Variants in DHRSX observed in about 807,000 individuals in gnomAD.
DHRSX encodes dehydrogenase/reductase X-linked.
Under a neutral mutation model 34.0 loss-of-function variants are expected in DHRSX, and 31 were observed. The ratio of observed to expected loss-of-function variants is 0.91; its 90% CI spans 0.69 to 1.23. DHRSX has a LOEUF of 1.23. Ranked by LOEUF, DHRSX falls within the 50% of genes most tolerant of loss-of-function variation. DHRSX has a pLI of 0.00. For synonymous variants in DHRSX, 201 were observed against 183.8 expected (o/e 1.09, Z -0.76); for missense variants, 414 against 428.1 (o/e 0.97, Z 0.29).
intron 3 of DHRSX, among the ~76,000 whole-genome samples, chrX:2,347,148 G>C (rs989978442): frequency 2.6e-5 from 4 of 152,160 alleles, no homozygotes; most frequent in Non-Finnish European, 5.9e-5. Flanking sequence ...ATTTAGAAAA[G>C]AAAGGTTTAA....
At chrX:2,361,793 T>A (rs763188876) in intron 3 of DHRSX, among the ~76,000 whole-genome samples, 1 of 152,328 alleles carries the variant, frequency 6.6e-6, no homozygotes, top group African/African-American at 2.4e-5. Flanking sequence ...TGATTGACTG[T>A]CTGATTAGAG....
chrX:2,267,626 C>T (rs1374828105), intron 4 of DHRSX, among the ~76,000 whole-genome samples: 1 of 151,838 alleles, frequency 6.6e-6, no homozygotes. Context: ...TCATCCAAGT[C>T]ACCAAACAGA....
chrX:2,313,193 G>A (rs181892008), intron 3 of DHRSX, among the ~76,000 whole-genome samples: 1 of 151,256 alleles, frequency 6.6e-6, no homozygotes, highest in Non-Finnish European at 1.5e-5. Context: ...TAGTCAAGAC[G>A]GGGTTTCACC....
chrX:2,351,128 C>A (rs1458439762), intron 3 of DHRSX, among the ~76,000 whole-genome samples: 2 of 152,138 alleles, frequency 1.3e-5, no homozygotes, highest in Non-Finnish European at 2.9e-5. Flanking sequence ...ATACTTAATG[C>A]ATGCAGGGCT....
chrX:2,425,483 C>T lies in DHRSX; in HGVS notation c.110-179G>A, dbSNP rs759322107. On this transcript the variant is annotated intron_variant, in intron 1 of 6. Coordinates refer to ENST00000334651, the MANE Select transcript of DHRSX (RefSeq NM_145177.3). ...GCATGAATGTATTAAAGTGGATTCG[C>T]CCCCAGTAATGACAGTGCAGTAAAA... 2.0e-4 allele frequency among the ~76,000 whole-genome samples: 31 copies of T among 152,230 alleles called. 1 individual carries two copies. In the South Asian group the frequency reaches 5.4e-3, roughly 27 times the overall value.
intron 3 of DHRSX, among the ~76,000 whole-genome samples, chrX:2,401,247 A>G (rs961136130): frequency 1.3e-5 from 2 of 151,850 alleles, no homozygotes; most frequent in Non-Finnish European, 2.9e-5. Flanking sequence ...AGTAGCTGGA[A>G]TTACAGGCAC....
At chrX:2,252,116 T>C (rs1053554963) in intron 5 of DHRSX, among the ~76,000 whole-genome samples, 13 of 152,122 alleles carry the variant, frequency 8.5e-5, no homozygotes, top group Admixed American at 6.6e-4. Context: ...CAGGTGCCTG[T>C]AATCCCAGCT....
In DHRSX at chrX:2,294,446, G is replaced by T. The variant is rs2041905732; in HGVS notation, c.287-2843C>A. ...GTAATCTCAGCACTTTGGAAGGTGG[G>T]CAGAGGTCAGGAGTTCGAGACCAGC... is the stretch of plus-strand genomic sequence containing the variant. On this transcript the variant is annotated intron_variant, in intron 3 of 6. Coordinates refer to ENST00000334651, the MANE Select transcript of DHRSX (RefSeq NM_145177.3). 2.6e-5 allele frequency among the ~76,000 whole-genome samples: 4 copies of T among 151,980 alleles called. No individual in the cohort carries two copies. In the South Asian group the frequency reaches 8.3e-4, roughly 32 times the overall value.
chrX:2,312,549 G>C (rs1004693222), intron 3 of DHRSX, among the ~76,000 whole-genome samples: 11 of 151,616 alleles, frequency 7.3e-5, no homozygotes, highest in Non-Finnish European at 1.2e-4. Context: ...ACAGGGAGGG[G>C]AACATCACAC....
intron 3 of DHRSX, among the ~76,000 whole-genome samples, chrX:2,308,602 A>G (rs969486717): frequency 6.6e-6 from 1 of 152,206 alleles, no homozygotes; most frequent in African/African-American, 2.4e-5. Context: ...GGCTAACTTG[A>G]AAATCATAAA....
intron 5 of DHRSX, among the ~76,000 whole-genome samples, chrX:2,260,611 C>A (rs1329749940): frequency 1.3e-5 from 2 of 152,092 alleles, no homozygotes; most frequent in African/African-American, 4.8e-5. Context: ...AGACGCGCAG[C>A]ACCACGCCCG....
chrX:2,422,824 A>C (rs1211251520), intron 2 of DHRSX, among the ~76,000 whole-genome samples: 1 of 151,652 alleles, frequency 6.6e-6, no homozygotes, highest in Non-Finnish European at 1.5e-5. Context: ...TCGCTCTGTC[A>C]CCCAGGCTGG....
At chrX:2,247,635 T>C (rs1476589018) in intron 5 of DHRSX, among the ~76,000 whole-genome samples, 14 of 123,680 alleles carry the variant, frequency 1.1e-4, no homozygotes, top group South Asian at 7.5e-4. Flanking sequence ...GCCTTGGTGA[T>C]AGAGTGAAAC....
chrX:2,406,387 C>T (rs2043555994), intron 3 of DHRSX, among the ~76,000 whole-genome samples: 5 of 151,982 alleles, frequency 3.3e-5, no homozygotes, highest in Admixed American at 3.3e-4. Flanking sequence ...CTATCTCACA[C>T]CAGCTAAAAT....
chrX:2,400,772 T>C (rs1168103645), intron 3 of DHRSX, among the ~76,000 whole-genome samples: 2 of 152,202 alleles, frequency 1.3e-5, no homozygotes, highest in African/African-American at 4.8e-5. Context: ...GACTCTTGTA[T>C]TTTCAATCTA....
chrX:2,332,458 G>A (rs780402985), intron 3 of DHRSX, among the ~76,000 whole-genome samples: 16 of 152,320 alleles, frequency 1.1e-4, no homozygotes. Flanking sequence ...GACAGTATGT[G>A]AGCATTAGCT....
intron 1 of DHRSX, among the ~76,000 whole-genome samples, chrX:2,491,329 C>G (rs1022931273): frequency 6.6e-6 from 1 of 152,198 alleles, no homozygotes; most frequent in Non-Finnish European, 1.5e-5. Flanking sequence ...CTTGGCCTCC[C>G]AAAGTGCTGG....
chrX:2,494,924 A>C (rs1215340551), intron 1 of DHRSX, among the ~76,000 whole-genome samples: 2 of 151,944 alleles, frequency 1.3e-5, no homozygotes, highest in East Asian at 3.9e-4. Context: ...TTTGGCTGAA[A>C]GAGCTCCCAG....
At chrX:2,493,332 A>ATAT (rs2045205350) in intron 1 of DHRSX, among the ~76,000 whole-genome samples, 1 of 152,046 alleles carries the variant, frequency 6.6e-6, no homozygotes, top group Non-Finnish European at 1.5e-5. Flanking sequence ...CATCATCATC[A>ATAT]TATTATTATT....
Sources: gnomAD v4.1 joint callset for allele counts (sites outside exome capture counted in the v4.1 genomes callset) on GRCh38, gnomAD v4.1.1 for gene constraint, MANE v1.5 for transcripts, NCBI Gene and HGNC (gene_info 2026-07-23, HGNC 2026-07-21) for gene names.